The following FBN1 variants were observed in gnomAD, a reference collection of about 807,000 sequenced individuals.
FBN1 encodes fibrillin-1.
In FBN1, 29 loss-of-function variants were observed where a neutral mutation model predicts 365.1. That is an observed-to-expected ratio of 0.08 (90% CI 0.06 to 0.11). The LOEUF is 0.11. Among genes scored for constraint, FBN1 ranks in the 10% least tolerant of loss-of-function variants. FBN1 has a pLI of 1.00. For missense variants in FBN1, 2,476 were observed against 3,703.2 expected (o/e 0.67, Z 8.60); for synonymous variants, 1,210 against 1,270.5 (o/e 0.95, Z 1.01).
rs1246984265 is a variant in FBN1 at position 48,437,379 on chromosome 15, G to T, written c.6322C>A (p.Arg2108Ser). 2 of 1,612,818 alleles carry T rather than the reference G, an allele frequency of 1.2e-6. No homozygotes were observed. The highest frequency in any genetic ancestry group is 1.7e-6 in the Non-Finnish European group (2 of 1,179,160). Residue 2108 changes from arginine to serine, a missense_variant, in exon 52 of 66, where the codon CGC becomes AGC. Transcript: ENST00000316623. ...LCPTEPDEAF[R>S]QICPYGSGII... ...CCACTTCCATAAGGACATATCTGGC[G>T]GAAGGCCTCTGTGGTGGAGACACTC...
At chr15:48,520,885 C>CCCGAGCAG (rs1407407673) in intron 9 of FBN1, 68 bp from the exon 10 acceptor site, 1 of 1,601,132 alleles carries the variant, frequency 6.2e-7, no homozygotes, top group Admixed American at 1.7e-5. Flanking sequence ...CACTCCCCTG[C>CCCGAGCAG]CCGAGCAGCT....
At position 48,490,372 on chromosome 15, in the gene FBN1, C is replaced by T. The variant is rs74011822; in HGVS notation, c.2855-294G>A. 0.013 allele frequency among the ~76,000 whole-genome samples: 1,961 copies of T among 152,208 alleles called. 44 individuals carry two copies. The highest frequency in any genetic ancestry group is 0.045 in the African/African-American group (1,881 of 41,516). ...TCTGAGAGATCCCACAGTGTTCTTTCGGGAGATGTTTTTCTCCTGTACAGA... is the reference window on the plus strand; with the variant it reads ...TCTGAGAGATCCCACAGTGTTCTTTTGGGAGATGTTTTTCTCCTGTACAGA... On this transcript the variant is annotated intron_variant, in intron 24 of 65. Transcript: ENST00000316623.
chr15:48,565,538 G>A (rs1365686651), intron 6 of FBN1, among the ~76,000 whole-genome samples: 3 of 149,374 alleles, frequency 2.0e-5, no homozygotes, highest in Non-Finnish European at 4.5e-5. Context: ...ATTACTAAAT[G>A]AATAAAAGGA....
At chr15:48,569,127 C>A (rs926978646) in intron 6 of FBN1, among the ~76,000 whole-genome samples, 1 of 152,000 alleles carries the variant, frequency 6.6e-6, no homozygotes, top group African/African-American at 2.4e-5. Context: ...GGAACTCTTA[C>A]AACTCAATAA....
intron 2 of FBN1, among the ~76,000 whole-genome samples, chr15:48,616,555 C>T (rs1252452460): frequency 6.6e-6 from 1 of 152,172 alleles, no homozygotes; most frequent in African/African-American, 2.4e-5. Context: ...CTAAATGAGA[C>T]ATGCTGGATT....
chr15:48,539,843 T>C (rs2044044330), intron 6 of FBN1, among the ~76,000 whole-genome samples: 1 of 152,212 alleles, frequency 6.6e-6, no homozygotes, highest in African/African-American at 2.4e-5. Flanking sequence ...ACTGTTTTTT[T>C]AGTTTTATAT....
intron 5 of FBN1, among the ~76,000 whole-genome samples, chr15:48,599,047 C>A (rs2044538350): frequency 6.6e-6 from 1 of 152,134 alleles, no homozygotes; most frequent in Non-Finnish European, 1.5e-5. Flanking sequence ...TATGAAGCCT[C>A]CCCAGCCATG....
At chr15:48,637,179 C>T (rs895222713) in intron 2 of FBN1, among the ~76,000 whole-genome samples, 11 of 152,144 alleles carry the variant, frequency 7.2e-5, no homozygotes, top group Non-Finnish European at 1.3e-4. Flanking sequence ...CTCAGACCAT[C>T]GTGGACTCTC....
intron 24 of FBN1, among the ~76,000 whole-genome samples, chr15:48,491,389 T>C (rs538025693): frequency 6.6e-6 from 1 of 151,962 alleles, no homozygotes; most frequent in Middle Eastern, 3.2e-3. Flanking sequence ...CTCACTCTTT[T>C]GCCTAGGCCG....
chr15:48,485,827 C>T (rs578240202), intron 29 of FBN1, among the ~76,000 whole-genome samples: 12 of 152,294 alleles, frequency 7.9e-5, no homozygotes, highest in African/African-American at 2.9e-4. Flanking sequence ...TATAAATCAC[C>T]CAGTTTCAGG....
rs1333121757 is a variant in FBN1 at position 48,505,015 on chromosome 15, G to A, written c.1960+10C>T. 1.9e-6 allele frequency: 3 copies of A among 1,614,036 alleles called. No individual in the cohort carries two copies. The South Asian group carries it at 3.3e-5, about 18-fold the overall frequency. On this transcript the variant is annotated intron_variant, in intron 16 of 65. Coordinates refer to ENST00000316623, the MANE Select transcript of FBN1 (RefSeq NM_000138.5). ...CCTCTCTCATAAGGTTAGCCATGAT[G>A]TTTTCTTACCAACACACACACGGCC...
At chr15:48,578,389 G>C (rs180737737) in intron 6 of FBN1, among the ~76,000 whole-genome samples, 4 of 152,178 alleles carry the variant, frequency 2.6e-5, no homozygotes, top group African/African-American at 9.7e-5. Flanking sequence ...GGATCCACTA[G>C]AAGTGTCTGT....
At chr15:48,429,007 C>T (rs1269471711) in intron 56 of FBN1, among the ~76,000 whole-genome samples, 2 of 152,142 alleles carry the variant, frequency 1.3e-5, no homozygotes, top group East Asian at 1.9e-4. Flanking sequence ...CAAATACATA[C>T]ATAATATGTG....
At chr15:48,496,561 T>C (rs2043610231) in intron 19 of FBN1, among the ~76,000 whole-genome samples, 1 of 152,144 alleles carries the variant, frequency 6.6e-6, no homozygotes, top group Non-Finnish European at 1.5e-5. Flanking sequence ...TTATATAATT[T>C]AATTCATTTT....
Position 48,495,680 on chromosome 15 carries a change from C to G in FBN1, c.2420-92G>C, listed in dbSNP as rs559577406. ...TTGACCCCAATTGCTACTACATATC[C>G]TTAATCCCACACAGTAAAGCTGGGC... is the stretch of plus-strand genomic sequence containing the variant. On this transcript the variant is annotated intron_variant, in intron 20 of 65. Transcript: ENST00000316623. The G allele has an allele frequency of 5.4e-6, 8 of 1,492,778 alleles. 1 individual carries two copies. Among genetic ancestry groups the G allele is most frequent in the Admixed American group, 1.7e-5 (1 of 59,424 alleles). 92.5% of individuals were successfully genotyped at this position (1,492,778 alleles called of 1,614,324 possible).
At chr15:48,605,294 C>T (rs1338862650) in intron 4 of FBN1, among the ~76,000 whole-genome samples, 4 of 152,024 alleles carry the variant, frequency 2.6e-5, no homozygotes, top group Non-Finnish European at 4.4e-5. Context: ...AACTATGAAA[C>T]CATCAGAAAA....
chr15:48,443,472 A>G (rs552921534), intron 49 of FBN1, among the ~76,000 whole-genome samples: 11 of 152,314 alleles, frequency 7.2e-5, no homozygotes, highest in Non-Finnish European at 1.5e-4. Context: ...ATGTATTGAT[A>G]ATAAAGCCAA....
intron 17 of FBN1, among the ~76,000 whole-genome samples, chr15:48,499,367 G>A (rs557030375): frequency 6.6e-6 from 1 of 152,326 alleles, no homozygotes; most frequent in African/African-American, 2.4e-5. Context: ...CTGTTAAAAT[G>A]TGGTTTCTTA....
At chr15:48,637,742 C>A (rs1890120498) in intron 2 of FBN1, among the ~76,000 whole-genome samples, 1 of 152,168 alleles carries the variant, frequency 6.6e-6, no homozygotes, top group South Asian at 2.1e-4. Context: ...CCTAGATGTT[C>A]CTAGAGATAA....
Sources: allele counts gnomAD v4.1 joint callset (sites outside exome capture counted in the v4.1 genomes callset), GRCh38; gene constraint gnomAD v4.1.1; transcripts MANE v1.5; gene names NCBI Gene and HGNC (gene_info 2026-07-23, HGNC 2026-07-21).